The following ACTR3C variants were observed in gnomAD, a reference collection of about 807,000 sequenced individuals.
The protein encoded by ACTR3C is actin-related protein 3C.
A neutral mutation model predicts 26.3 loss-of-function variants in ACTR3C; 18 were observed. That is an observed-to-expected ratio of 0.68 (90% confidence interval 0.47 to 1.01). The LOEUF is 1.01. Among genes scored for constraint, ACTR3C ranks in the 50% least tolerant of loss-of-function variants. The probability of loss-of-function intolerance (pLI) is 0.00; values close to 1 mark genes in which losing one functional copy is unlikely to be tolerated. For missense variants in ACTR3C, 184 were observed against 250.7 expected (o/e 0.73, Z 1.80); for synonymous variants, 55 against 94.5 (o/e 0.58, Z 2.42).
intron 3 of ACTR3C, 94 bp from the exon 4 acceptor site, chr7:150,289,687 C>T: frequency 1.3e-6 from 2 of 1,560,158 alleles, no homozygotes; most frequent in South Asian, 1.2e-5. Context: ...GCCTCCCTGT[C>T]TGCCCCTCAC....
chr7:149,967,237 C>G, the ACTR3C span, among the ~76,000 whole-genome samples: 7 of 151,634 alleles, frequency 4.6e-5, no homozygotes, highest in South Asian at 2.1e-4. Context: ...GGGTTTCACT[C>G]TGTTAGCCAG....
At chr7:150,043,772 A>C in the ACTR3C span, among the ~76,000 whole-genome samples, 3 of 152,248 alleles carry the variant, frequency 2.0e-5, no homozygotes, top group African/African-American at 4.8e-5. Context: ...GAAACTTAAA[A>C]AATTTTAAAT....
the ACTR3C span, among the ~76,000 whole-genome samples, chr7:150,033,589 C>A: frequency 6.6e-6 from 1 of 151,542 alleles, no homozygotes; most frequent in African/African-American, 2.4e-5. Flanking sequence ...CAGTCCCCGC[C>A]TCGCAGGAGG....
intron 5 of ACTR3C, among the ~76,000 whole-genome samples, chr7:150,285,843 T>G (rs1835731957): frequency 6.6e-6 from 1 of 152,192 alleles, no homozygotes; most frequent in African/African-American, 2.4e-5. Flanking sequence ...CTAGTTAAAA[T>G]GATGACATTT....
At chr7:150,038,120 G>A in the ACTR3C span, among the ~76,000 whole-genome samples, 16 of 142,950 alleles carry the variant, frequency 1.1e-4, 3 homozygotes, top group Admixed American at 1.0e-3. Flanking sequence ...AAGAGCCAGG[G>A]GGGAAGAGGG....
At chr7:149,953,780 G>A in the ACTR3C span, among the ~76,000 whole-genome samples, 2 of 148,048 alleles carry the variant, frequency 1.4e-5, no homozygotes, top group East Asian at 3.9e-4. Context: ...AAAACCTACT[G>A]ATATTAGACT....
the ACTR3C span, among the ~76,000 whole-genome samples, chr7:150,221,118 GCT>G: frequency 6.6e-6 from 1 of 152,272 alleles, no homozygotes; most frequent in Non-Finnish European, 1.5e-5. Flanking sequence ...GGATGCGAGC[GCT>G]CTGTCAGTTG....
At chr7:150,047,451 A>T in the ACTR3C span, among the ~76,000 whole-genome samples, 1 of 151,828 alleles carries the variant, frequency 6.6e-6, no homozygotes, top group Non-Finnish European at 1.5e-5. Context: ...GATGACCGCG[A>T]TCTGGCGCCA....
the ACTR3C span, among the ~76,000 whole-genome samples, chr7:149,979,446 C>T: frequency 4.8e-4 from 73 of 152,244 alleles, no homozygotes; most frequent in African/African-American, 1.7e-3. Context: ...CACCAAGGTA[C>T]TGAGCACATC....
the ACTR3C span, among the ~76,000 whole-genome samples, chr7:149,997,932 T>C: frequency 1.3e-5 from 2 of 150,182 alleles, no homozygotes; most frequent in East Asian, 2.1e-4. Flanking sequence ...TACAGACATT[T>C]AGAAGTGGAC....
chr7:150,098,940 G>A, the ACTR3C span, among the ~76,000 whole-genome samples: 1 of 150,452 alleles, frequency 6.6e-6, no homozygotes, highest in East Asian at 1.9e-4. Context: ...AGCCTTTCAA[G>A]CAAAGCCAAT....
chr7:150,284,997 T>C (rs1232858677), intron 5 of ACTR3C, among the ~76,000 whole-genome samples, 152 bp from the exon 6 acceptor site: 1 of 152,266 alleles, frequency 6.6e-6, no homozygotes, highest in African/African-American at 2.4e-5. Flanking sequence ...ATGAATCCCA[T>C]GTGACTACGT....
chr7:150,196,018 C>A, the ACTR3C span, among the ~76,000 whole-genome samples: 1 of 152,172 alleles, frequency 6.6e-6, no homozygotes, highest in Non-Finnish European at 1.5e-5. Flanking sequence ...GGACCTTCTC[C>A]TATTTTGTTC....
rs955003137 is a variant in ACTR3C, at chr7:150,285,617, T to A, written c.471+750A>T. Among the ~76,000 whole-genome samples the A allele has an allele frequency of 5.3e-5, 8 of 152,234 alleles. No individual in the cohort carries two copies. The South Asian group carries it at 1.4e-3, about 28-fold the overall frequency. On this transcript the variant is annotated intron_variant, in intron 5 of 7. Transcript: ENST00000683684. The stretch of plus-strand genomic sequence containing the variant: ...CATTGTTATTATTTTATTCTTCAGA[T>A]TACTAGCGAGGAACACATTCTATGC...
chr7:150,156,253 T>G, the ACTR3C span, among the ~76,000 whole-genome samples: 1 of 152,200 alleles, frequency 6.6e-6, no homozygotes, highest in African/African-American at 2.4e-5. Flanking sequence ...TGCCGCTGTG[T>G]GTTAAATTCC....
chr7:149,918,361 C>CA, the ACTR3C span, among the ~76,000 whole-genome samples: 22 of 150,914 alleles, frequency 1.5e-4, 1 homozygote, highest in South Asian at 1.5e-3. Flanking sequence ...AAAACCAAAG[C>CA]AAAAAAAATT....
the ACTR3C span, among the ~76,000 whole-genome samples, chr7:149,884,313 C>T: frequency 6.6e-6 from 1 of 152,126 alleles, no homozygotes; most frequent in Non-Finnish European, 1.5e-5. Context: ...AGGCCACATA[C>T]TGGGTTAGCA....
the ACTR3C span, among the ~76,000 whole-genome samples, chr7:150,031,236 A>G: frequency 7.9e-5 from 12 of 151,034 alleles, no homozygotes; most frequent in Non-Finnish European, 1.2e-4. Context: ...CAGCCTGGGT[A>G]ACAGAGAGAG....
the ACTR3C span, among the ~76,000 whole-genome samples, chr7:150,111,147 A>G: frequency 7.1e-6 from 1 of 141,050 alleles, no homozygotes; most frequent in Non-Finnish European, 1.5e-5. Flanking sequence ...GACTCTCTCA[A>G]GCTCATTCTG....
Sources: allele counts gnomAD v4.1 joint callset (sites outside exome capture counted in the v4.1 genomes callset), GRCh38; gene constraint gnomAD v4.1.1; transcripts MANE v1.5; gene names NCBI Gene and HGNC (gene_info 2026-07-23, HGNC 2026-07-21).